The following TNK2 variants were observed in gnomAD, a reference collection of about 807,000 sequenced individuals.
The protein encoded by TNK2 is tyrosine kinase non receptor 2.
Under a neutral mutation model 101.8 loss-of-function variants are expected in TNK2, and 83 were observed. That is an observed-to-expected ratio of 0.82 (90% CI 0.68 to 0.98). The LOEUF (loss-of-function observed/expected upper bound fraction) is 0.98, where lower values mean the gene tolerates loss of function less well. Ranked by LOEUF, TNK2 falls within the 50% of genes least tolerant of loss-of-function variation. The pLI is 0.00. For missense variants in TNK2, 1,665 were observed against 1,483.2 expected, an observed-to-expected ratio of 1.12 and a Z score of -2.01; for synonymous variants, 804 against 633.0, an observed-to-expected ratio of 1.27 and a Z score of -4.06.
At position 195,885,080 on chromosome 3, in the gene TNK2, T is replaced by C. The variant is rs1283190234; in HGVS notation, c.235-47A>G. On this transcript the variant is annotated intron_variant, in intron 3 of 15. Transcript: ENST00000672887. This position sits in a 1 kb window ranked among gnomAD's most constrained non-coding sequence, Gnocchi z 4.7. ...CCAGATGGAATCCAACACCCCAGGG[T>C]CAGTCACTCAGTCCCACCCCGCTGG... The C allele has an allele frequency of 1.3e-6, 2 of 1,512,194 alleles. No individual in the cohort carries two copies. The highest frequency in any genetic ancestry group is 2.8e-5 in the African/African-American group (2 of 72,018). The allele number at this position is 1,512,194 out of a possible 1,614,324, so 93.7% of individuals were successfully genotyped here. A position where few individuals can be genotyped will look rare whatever the true frequency, so the allele number is the denominator to read the frequency against.
intron 10 of TNK2, 55 bp from the exon 11 acceptor site, chr3:195,870,260 A>G (rs1744115087): frequency 1.9e-6 from 3 of 1,595,110 alleles, no homozygotes; most frequent in African/African-American, 2.7e-5. Context: ...GAGGGGTGGC[A>G]GAATCTCATC....
chr3:195,872,247 G>T, intron 10 of TNK2, 29 bp downstream of exon 10: 1 of 1,611,898 alleles, frequency 6.2e-7, no homozygotes, highest in Non-Finnish European at 8.5e-7. Flanking sequence ...GCGGGGCCAG[G>T]TCAGCATCCA....
At chr3:195,873,121 G>A (rs546451060) in intron 9 of TNK2, among the ~76,000 whole-genome samples, 7 of 152,114 alleles carry the variant, frequency 4.6e-5, no homozygotes, top group South Asian at 2.1e-4. Context: ...GAAGGCCTGC[G>A]GGAGCCTCCC....
rs1211261155 is a variant in TNK2 at position 195,882,555 on chromosome 3, T to A, written c.610-227A>T. 2 of 1,521,414 alleles carry A rather than the reference T, an allele frequency of 1.3e-6. No individual in the cohort carries two copies. The highest frequency in any genetic ancestry group is 4.0e-5 in the Admixed American group (2 of 50,570). The allele number at this position is 1,521,414 out of a possible 1,614,324, so 94.2% of individuals were successfully genotyped here. Reference sequence around the variant, plus strand: ...AGAGAGAAGGAGCCCAAAGAGGCAGTGGCTAGAAATTCCAAAACTCAGCTG... The same window carrying A: ...AGAGAGAAGGAGCCCAAAGAGGCAGAGGCTAGAAATTCCAAAACTCAGCTG... On this transcript the variant is annotated intron_variant, in intron 5 of 15. Coordinates refer to ENST00000672887, the MANE Select transcript of TNK2 (RefSeq NM_001382273.1). This position sits in a 1 kb window ranked among gnomAD's most constrained non-coding sequence, Gnocchi z 4.2.
Position 195,903,389 on chromosome 3 carries a change from T to C in TNK2, c.-19+5096A>G, listed in dbSNP as rs118011638. Among the ~76,000 whole-genome samples the C allele has an allele frequency of 1.0e-3, 155 of 152,302 alleles. 3 individuals carry two copies. The East Asian group carries it at 0.024, about 23-fold the overall frequency. On this transcript the variant is annotated intron_variant, in intron 1 of 15. Coordinates refer to ENST00000672887, the MANE Select transcript of TNK2 (RefSeq NM_001382273.1). Reference sequence around the variant, plus strand: ...GAGACTAAATGCATCCCCTGGAAGATCAGAAACAAGGTATCTACCCTTCTA... The same window carrying C: ...GAGACTAAATGCATCCCCTGGAAGACCAGAAACAAGGTATCTACCCTTCTA...
In TNK2 at chr3:195,868,621, T is replaced by C. The variant is rs1193638855; in HGVS notation, c.1677A>G (p.Arg559=). ...RLGLRKPGLP[R]GLWLAKPSAR... is the part of the protein sequence containing the mutation. The stretch of plus-strand genomic sequence containing the variant: ...CCGAGGGCTTCGCCAGCCACAGCCC[T>C]CGGGGCAGGCCTGGCTTCCGCAGGC... Residue 559 remains arginine, a synonymous_variant, in exon 13 of 16, where the codon CGA becomes CGG. Transcript: ENST00000672887. 12 of 1,591,002 alleles carry C rather than the reference T, an allele frequency of 7.5e-6. No individual in the cohort carries two copies. Among genetic ancestry groups the C allele is most frequent in the Non-Finnish European group, 1.0e-5 (12 of 1,176,642 alleles).
chr3:195,884,634 A>G (rs1754772731), intron 4 of TNK2, 178 bp downstream of exon 4: 3 of 585,838 alleles, frequency 5.1e-6, no homozygotes, highest in African/African-American at 3.8e-5. Flanking sequence ...ACAGAGCGAG[A>G]CTCCATCTCA....
At position 195,867,916 on chromosome 3, in the gene TNK2, AGGCACCC is replaced by A; in HGVS notation, c.2375_2381del (p.Arg792LeufsTer54). Reference sequence around the variant, plus strand: ...CTTGAGGGGACAGGGGCTCCCGCGGAGGCACCCGGGGAGGGGAAGCAGGTCCAGGCCA... The same window carrying A: ...CTTGAGGGGACAGGGGCTCCCGCGGAGGGGAGGGGAAGCAGGTCCAGGCCA... On this transcript the variant is annotated frameshift_variant, in exon 13 of 16. Transcript: ENST00000672887. LOFTEE classifies it high-confidence loss of function. The A allele has an allele frequency of 6.5e-7, 1 of 1,532,090 alleles. No individual in the cohort carries two copies. Among genetic ancestry groups the A allele is most frequent in the Non-Finnish European group, 8.7e-7 (1 of 1,149,920 alleles). The allele number at this position is 1,532,090 out of a possible 1,614,324, so 94.9% of individuals were successfully genotyped here.
At chr3:195,871,059 G>A (rs1202180457) in intron 10 of TNK2, among the ~76,000 whole-genome samples, 1 of 142,830 alleles carries the variant, frequency 7.0e-6, no homozygotes, top group Non-Finnish European at 1.5e-5. Context: ...GGCCCGGTGG[G>A]TGAAGGCCCC....
rs143787673 is a variant in TNK2, at chr3:195,868,688, C to T, written c.1610G>A (p.Ser537Asn). The T allele has an allele frequency of 6.3e-7, 1 of 1,590,014 alleles. No individual in the cohort carries two copies. The highest frequency in any genetic ancestry group is 8.5e-7 in the Non-Finnish European group (1 of 1,176,416). The change falls in exon 13 of 16, where the codon AGC becomes AAC. Residue 537 changes from serine to asparagine, a missense_variant. Around this residue, in one of 3 missense-constraint regions of TNK2, gnomAD observed 1,136 missense variants for 894.9 expected, o/e 1.27. Coordinates refer to ENST00000672887, the MANE Select transcript of TNK2 (RefSeq NM_001382273.1). Reference sequence around the variant, plus strand: ...GCTGGACAAGGGGTCTTGGTCCTCGCTCACAGGGTCATAGGTTGGTTCTGT... The same window carrying T: ...GCTGGACAAGGGGTCTTGGTCCTCGTTCACAGGGTCATAGGTTGGTTCTGT... ...FTQKPTYDPV[S>N]EDQDPLSSDF...
chr3:195,888,903 T>A lies in TNK2; in HGVS notation c.-18-297A>T, dbSNP rs1757247382. Among the ~76,000 whole-genome samples the A allele has an allele frequency of 6.6e-6, 1 of 152,166 alleles. No homozygotes were observed. Among genetic ancestry groups the A allele is most frequent in the Admixed American group, 6.5e-5 (1 of 15,276 alleles). On this transcript the variant is annotated intron_variant, in intron 1 of 15. Transcript: ENST00000672887. The surrounding 1 kb of genome is among the most constrained non-coding windows in gnomAD (Gnocchi z 5.3). The stretch of plus-strand genomic sequence containing the variant: ...GACCCAAGATCAACCTGTGCTCACA[T>A]TCCTGCTCTAAGTTTCTAGGGGTCG...
At chr3:195,865,614 G>C (rs140571564) in intron 15 of TNK2, among the ~76,000 whole-genome samples, 173 of 142,828 alleles carry the variant, frequency 1.2e-3, no homozygotes, top group Middle Eastern at 4.1e-3. Flanking sequence ...TGCGTCCCAG[G>C]TGCAAATCAG....
In TNK2 at chr3:195,879,037, C is replaced by G; in HGVS notation, c.1014+12G>C. On this transcript the variant is annotated intron_variant, in intron 7 of 15. Transcript: ENST00000672887. ...CCACCAGCCCTATGGGGGCCCGTCT[C>G]CCAGCCCTCACCTGACTGCCGTTGA... 6.2e-7 allele frequency: 1 copy of G among 1,612,658 alleles called. No individual in the cohort carries two copies. Among genetic ancestry groups the G allele is most frequent in the Non-Finnish European group, 8.5e-7 (1 of 1,179,826 alleles).
intron 1 of TNK2, among the ~76,000 whole-genome samples, chr3:195,897,071 T>C (rs1378460759): frequency 1.3e-5 from 2 of 151,664 alleles, no homozygotes; most frequent in Non-Finnish European, 2.9e-5. Flanking sequence ...AAGAACATAC[T>C]GATGAGGAGA....
Position 195,888,406 on chromosome 3 carries a change from C to T in TNK2, c.163+20G>A. ...GGAAAGGGTCAGGGGCAAGACAAGC[C>T]AGGCCAACATCCCACCTACCAGGCC... On this transcript the variant is annotated intron_variant, in intron 2 of 15. Transcript: ENST00000672887. The surrounding 1 kb of genome is among the most constrained non-coding windows in gnomAD (Gnocchi z 5.3). 4 of 1,609,368 alleles carry T rather than the reference C, an allele frequency of 2.5e-6. No individual in the cohort carries two copies. The highest frequency in any genetic ancestry group is 3.4e-6 in the Non-Finnish European group (4 of 1,176,724).
At position 195,885,582 on chromosome 3, in the gene TNK2, C is replaced by A; in HGVS notation, c.235-549G>T. ...AGGATAATTTTAGTCTGAGGTTGAA[C>A]CGTGAGTGTGTGTGTGGTTCAGATG... On this transcript the variant is annotated intron_variant, in intron 3 of 15. Transcript: ENST00000672887. This position sits in a 1 kb window ranked among gnomAD's most constrained non-coding sequence, Gnocchi z 4.7. 1 of 1,290,028 alleles carries A rather than the reference C, an allele frequency of 7.8e-7. No homozygotes were observed. 79.9% of individuals were successfully genotyped at this position (1,290,028 alleles called of 1,614,324 possible).
At chr3:195,887,931 T>C (rs28733615) in intron 2 of TNK2, among the ~76,000 whole-genome samples, 1,382 of 131,156 alleles carry the variant, frequency 0.011, 22 homozygotes, top group African/African-American at 0.043. Context: ...CGTGCACGTG[T>C]GTGCGCATGT....
Position 195,892,473 on chromosome 3 carries a change from G to A in TNK2, c.-18-3867C>T, listed in dbSNP as rs772295026. 73 of 1,535,616 alleles carry A rather than the reference G, an allele frequency of 4.8e-5. 1 individual carries two copies. Among genetic ancestry groups the A allele is most frequent in the Middle Eastern group, 1.7e-4 (1 of 5,880 alleles). ...AAGGAGAGCTCCAGGCCAGGGAACCGACGTGCTGCCGGCATCTCCACGCAG... is the reference window on the plus strand; with the variant it reads ...AAGGAGAGCTCCAGGCCAGGGAACCAACGTGCTGCCGGCATCTCCACGCAG... On this transcript the variant is annotated intron_variant, in intron 1 of 15. Coordinates refer to ENST00000672887, the MANE Select transcript of TNK2 (RefSeq NM_001382273.1).
chr3:195,870,367 C>G (rs1415396675), intron 10 of TNK2, 162 bp from the exon 11 acceptor site: 2 of 1,490,638 alleles, frequency 1.3e-6, no homozygotes, highest in Non-Finnish European at 9.0e-7. Flanking sequence ...CACGTCTCAG[C>G]TGGGGGGTGT....
Sources: gnomAD v4.1 joint callset for allele counts (sites outside exome capture counted in the v4.1 genomes callset) on GRCh38, gnomAD v4.1.1 for gene constraint, gnomAD v4.1.1 regional missense constraint, Gnocchi (gnomAD v3.1) non-coding constraint, MANE v1.5 for transcripts, NCBI Gene and HGNC (gene_info 2026-07-23, HGNC 2026-07-21) for gene names.